The following PARD3B variants were observed in gnomAD, a reference collection of about 807,000 sequenced individuals.
PARD3B encodes par-3 family cell polarity regulator beta, also known as partitioning defective 3 homolog B.
PARD3B carries 103 observed loss-of-function variants against 130.2 expected under a neutral mutation model. That is an observed-to-expected ratio of 0.79 (90% CI 0.67 to 0.93). The LOEUF (loss-of-function observed/expected upper bound fraction) is 0.93, where lower values mean the gene tolerates loss of function less well. PARD3B is among the 40% of genes least tolerant of loss of function. PARD3B has a pLI of 0.00. For missense variants in PARD3B, 1,609 were observed against 1,499.2 expected, an observed-to-expected ratio of 1.07 and a Z score of -1.21; for synonymous variants, 583 against 553.2, an observed-to-expected ratio of 1.05 and a Z score of -0.76.
chr2:204,598,704 C>T (rs887594156), intron 1 of PARD3B, among the ~76,000 whole-genome samples: 3 of 151,862 alleles, frequency 2.0e-5, no homozygotes, highest in African/African-American at 7.3e-5. Context: ...TCTATATTAA[C>T]AATTTGTTTT....
chr2:205,068,581 ATT>A lies in PARD3B; in HGVS notation c.504+20901_504+20902del, dbSNP rs11360197. The stretch of plus-strand genomic sequence containing the variant: ...CTAAGAATAGACAAGGAATGAAGTT[ATT>A]TTTTTTTTTACCTTTTCCTAGCTTC... On this transcript the variant is annotated intron_variant, in intron 4 of 22. Transcript: ENST00000406610. Among the ~76,000 whole-genome samples the A allele has an allele frequency of 1.6e-3, 248 of 150,706 alleles. 1 individual carries two copies. Among genetic ancestry groups the A allele is most frequent in the African/African-American group, 4.2e-3 (171 of 41,100 alleles).
rs762660037 is a variant in PARD3B at position 205,176,581 on chromosome 2, A to G, written c.1924+4A>G. ...AGTCCACAAGACAAACAGAAAGGTAAGAGTCTATTCATTTTATCCACTGCA... is the reference window on the plus strand; with the variant it reads ...AGTCCACAAGACAAACAGAAAGGTAGGAGTCTATTCATTTTATCCACTGCA... On this transcript the variant is annotated splice_donor_region_variant and intron_variant, in intron 13 of 22. Transcript: ENST00000406610. This position sits in a 1 kb window ranked among gnomAD's most constrained non-coding sequence, Gnocchi z 5.3. 7 of 1,600,496 alleles carry G rather than the reference A, an allele frequency of 4.4e-6. No individual in the cohort carries two copies. Among genetic ancestry groups the G allele is most frequent in the East Asian group, 4.5e-5 (2 of 44,590 alleles).
At chr2:205,104,339 G>T (rs1703041016) in intron 4 of PARD3B, 87 bp from the exon 5 acceptor site, 1 of 973,702 alleles carries the variant, frequency 1.0e-6, no homozygotes, top group Non-Finnish European at 1.6e-6. Flanking sequence ...GCGTAAAGCG[G>T]TTTACTCTCC....
chr2:204,565,833 A>G (rs2031642185), intron 1 of PARD3B, among the ~76,000 whole-genome samples: 3 of 152,316 alleles, frequency 2.0e-5, no homozygotes, highest in Middle Eastern at 3.4e-3. Context: ...CAGTCAATCA[A>G]TCAGAGGAGT....
At chr2:204,904,434 G>A (rs148175964) in intron 2 of PARD3B, among the ~76,000 whole-genome samples, 2,100 of 152,150 alleles carry the variant, frequency 0.014, 29 homozygotes, top group Non-Finnish European at 0.02. Flanking sequence ...GTTTTCTTTT[G>A]TGGCTTCTTC....
At chr2:204,878,915 T>C (rs533464321) in intron 2 of PARD3B, among the ~76,000 whole-genome samples, 2 of 152,204 alleles carry the variant, frequency 1.3e-5, no homozygotes, top group South Asian at 2.1e-4. Context: ...ACAGTAGTTA[T>C]GTAGGTTTAC....
chr2:205,083,157 G>C (rs1214157206), intron 4 of PARD3B, among the ~76,000 whole-genome samples: 2 of 151,966 alleles, frequency 1.3e-5, no homozygotes, highest in Non-Finnish European at 2.9e-5. Flanking sequence ...CTGACCTCAT[G>C]ATCTGCCCAT....
intron 1 of PARD3B, among the ~76,000 whole-genome samples, chr2:204,577,423 C>T (rs1337418067): frequency 6.6e-6 from 1 of 152,312 alleles, no homozygotes. Context: ...AGCTGGCAAT[C>T]GGCAGAGCCC....
At chr2:205,517,437 TTTGTAA>T (rs2050837571) in intron 21 of PARD3B, among the ~76,000 whole-genome samples, 1 of 152,176 alleles carries the variant, frequency 6.6e-6, no homozygotes, top group African/African-American at 2.4e-5. Context: ...ACCTTCATCA[TTTGTAA>T]TTGTGTTTAT....
chr2:205,323,198 C>A (rs1219626552), intron 18 of PARD3B, among the ~76,000 whole-genome samples: 1 of 151,912 alleles, frequency 6.6e-6, no homozygotes, highest in Non-Finnish European at 1.5e-5. Flanking sequence ...CGTGAGCCAC[C>A]GTGCCTGGCC....
chr2:204,563,477 A>AT (rs1362551968), intron 1 of PARD3B, among the ~76,000 whole-genome samples: 3 of 151,930 alleles, frequency 2.0e-5, no homozygotes, highest in African/African-American at 7.2e-5. Context: ...TTTTTAATGC[A>AT]TTTTTTCTTG....
chr2:204,745,374 C>G (rs2040172808), intron 2 of PARD3B, among the ~76,000 whole-genome samples: 1 of 151,482 alleles, frequency 6.6e-6, no homozygotes, highest in South Asian at 2.1e-4. Flanking sequence ...TACTTCCAAC[C>G]ATTATAATAA....
intron 21 of PARD3B, among the ~76,000 whole-genome samples, chr2:205,502,668 A>C (rs2106348094): frequency 6.6e-6 from 1 of 152,292 alleles, no homozygotes; most frequent in South Asian, 2.1e-4. Flanking sequence ...TACAAAGATA[A>C]GTTACCTAAC....
At chr2:205,082,523 T>A (rs547613184) in intron 4 of PARD3B, among the ~76,000 whole-genome samples, 1 of 152,330 alleles carries the variant, frequency 6.6e-6, no homozygotes, top group East Asian at 1.9e-4. Context: ...CCTGGAAAAC[T>A]GATAACGCAG....
intron 2 of PARD3B, among the ~76,000 whole-genome samples, chr2:204,828,469 C>T (rs973806699): frequency 6.6e-6 from 1 of 152,094 alleles, no homozygotes; most frequent in African/African-American, 2.4e-5. Context: ...AATTCTTATT[C>T]GCAGCTAGAC....
chr2:205,249,175 ATTT>A (rs10707307), intron 16 of PARD3B, among the ~76,000 whole-genome samples: 2 of 136,802 alleles, frequency 1.5e-5, no homozygotes, highest in African/African-American at 5.4e-5. Flanking sequence ...TGCCCGGCTA[ATTT>A]TTTTTTTTTT....
At chr2:204,665,116 T>G (rs549467420) in intron 1 of PARD3B, among the ~76,000 whole-genome samples, 12 of 152,088 alleles carry the variant, frequency 7.9e-5, no homozygotes, top group East Asian at 3.9e-4. Context: ...TTTTGTTTTT[T>G]TTTTTGTCTT....
chr2:205,314,252 G>A (rs1001811315), intron 18 of PARD3B, among the ~76,000 whole-genome samples: 2 of 152,126 alleles, frequency 1.3e-5, no homozygotes, highest in Non-Finnish European at 2.9e-5. Flanking sequence ...GATGAATGTG[G>A]CAAATAGCTT....
intron 2 of PARD3B, among the ~76,000 whole-genome samples, chr2:204,882,773 A>G (rs1240779948): frequency 6.6e-6 from 1 of 152,180 alleles, no homozygotes; most frequent in African/African-American, 2.4e-5. Context: ...ACTGATTTAG[A>G]TGGCTTTTCG....
Sources: gnomAD v4.1 joint callset for allele counts (sites outside exome capture counted in the v4.1 genomes callset) on GRCh38, gnomAD v4.1.1 for gene constraint, Gnocchi (gnomAD v3.1) non-coding constraint, MANE v1.5 for transcripts, NCBI Gene and HGNC (gene_info 2026-07-23, HGNC 2026-07-21) for gene names.